SLCO1A2: variants seen among roughly 807,000 people sequenced by gnomAD.
SLCO1A2 encodes solute carrier organic anion transporter family member 1A2.
SLCO1A2 carries 67 observed loss-of-function variants against 69.0 expected under a neutral mutation model. The ratio of observed to expected loss-of-function variants is 0.97; its 90% CI spans 0.80 to 1.19. The LOEUF (loss-of-function observed/expected upper bound fraction) is 1.19, where lower values mean the gene tolerates loss of function less well. SLCO1A2 is among the 50% of genes most tolerant of loss of function. The pLI is 0.00. For missense variants in SLCO1A2, 787 were observed against 793.7 expected (o/e 0.99, Z 0.10); for synonymous variants, 260 against 265.9 (o/e 0.98, Z 0.22).
At chr12:21,385,700 G>A (rs1393970008) in intron 1 of SLCO1A2, among the ~76,000 whole-genome samples, 1 of 152,144 alleles carries the variant, frequency 6.6e-6, no homozygotes, top group Non-Finnish European at 1.5e-5. Flanking sequence ...GGTGTGATAA[G>A]GATTTAAAGC....
At chr12:21,350,559 G>A (rs10841796) in intron 2 of SLCO1A2, among the ~76,000 whole-genome samples, 29,869 of 151,828 alleles carry the variant, frequency 0.2, 3,571 homozygotes, top group East Asian at 0.43. Flanking sequence ...GTTTCAGGCC[G>A]GGCACAGTGG....
intron 2 of SLCO1A2, among the ~76,000 whole-genome samples, chr12:21,322,340 C>G (rs1951735905): frequency 1.3e-5 from 2 of 152,136 alleles, no homozygotes; most frequent in South Asian, 4.1e-4. Context: ...AACACAGCCT[C>G]AGGAGGTCCT....
intron 12 of SLCO1A2, among the ~76,000 whole-genome samples, chr12:21,289,734 G>A (rs1206486533): frequency 6.7e-6 from 1 of 149,312 alleles, no homozygotes; most frequent in Non-Finnish European, 1.5e-5. Context: ...TGCATCGTTT[G>A]TCAGTCAGAA....
chr12:21,305,913 C>T (rs1375810519), intron 5 of SLCO1A2, among the ~76,000 whole-genome samples: 1 of 152,184 alleles, frequency 6.6e-6, no homozygotes, highest in Non-Finnish European at 1.5e-5. Context: ...GTTGAGTCAT[C>T]AGAGTCATCT....
chr12:21,396,022 A>G (rs1038596498), upstream of SLCO1A2, among the ~76,000 whole-genome samples: 5 of 151,618 alleles, frequency 3.3e-5, no homozygotes, highest in Admixed American at 3.3e-4. Context: ...AGCTGGATGG[A>G]GAATGACTTT....
chr12:21,289,596 C>T (rs1452583433), intron 12 of SLCO1A2, among the ~76,000 whole-genome samples: 1 of 151,984 alleles, frequency 6.6e-6, no homozygotes, highest in Non-Finnish European at 1.5e-5. Context: ...AGTGGCACAC[C>T]CCAACTCCAC....
intron 2 of SLCO1A2, among the ~76,000 whole-genome samples, chr12:21,347,425 C>T (rs1953289763): frequency 6.6e-6 from 1 of 152,120 alleles, no homozygotes; most frequent in Non-Finnish European, 1.5e-5. Context: ...GGGGGTGGAT[C>T]ACCTGAGGTC....
At chr12:21,415,552 C>T (rs1474814489) in intron 1 of SLCO1A2, among the ~76,000 whole-genome samples, 1 of 151,968 alleles carries the variant, frequency 6.6e-6, no homozygotes, top group Non-Finnish European at 1.5e-5. Context: ...AACAATTTGG[C>T]TCACATTAAA....
At chr12:21,394,803 G>A (rs1048631701) in intron 1 of SLCO1A2, 1 of 151,930 alleles carries the variant, frequency 6.6e-6, no homozygotes, top group African/African-American at 2.4e-5. Context: ...CTCAACACCT[G>A]GGAGTGGGTG....
Position 21,268,292 on chromosome 12 carries a change from G to GCAGA in SLCO1A2, c.*1252_*1255dup, listed in dbSNP as rs1251328424. On this transcript the variant is annotated 3_prime_UTR_variant, in exon 15 of 15. Transcript: ENST00000683939. ...GCTTCCTCCACTCTGTTGTATCCCT[G>GCAGA]CAGACACTCTCACTCCATTTATAGT... 2.6e-5 allele frequency: 4 copies of GCAGA among 151,996 alleles called. No homozygotes were observed. Among genetic ancestry groups the GCAGA allele is most frequent in the African/African-American group, 9.7e-5 (4 of 41,408 alleles). The allele number at this position is 151,996 out of a possible 1,614,324, so 9.4% of individuals were successfully genotyped here. A position where few individuals can be genotyped will look rare whatever the true frequency, so the allele number is the denominator to read the frequency against.
In SLCO1A2 at chr12:21,269,166, TA is replaced by T. The variant is rs1942369729; in HGVS notation, c.*381del. 6.4e-6 allele frequency: 1 copy of T among 155,960 alleles called. No homozygotes were observed. Among genetic ancestry groups the T allele is most frequent in the Non-Finnish European group, 1.4e-5 (1 of 70,770 alleles). The allele number at this position is 155,960 out of a possible 1,614,324, so 9.7% of individuals were successfully genotyped here. Reference sequence around the variant, plus strand: ...CAGAATGAGAATTTAGGCATCTGAATAATTCCAATATCAAAGAACAAATTTA... The same window carrying T: ...CAGAATGAGAATTTAGGCATCTGAATATTCCAATATCAAAGAACAAATTTA... On this transcript the variant is annotated 3_prime_UTR_variant, in exon 15 of 15. Transcript: ENST00000683939.
At position 21,300,531 on chromosome 12, in the gene SLCO1A2, C is replaced by T. The variant is rs368672331; in HGVS notation, c.727G>A (p.Gly243Ser). The change falls in exon 8 of 15, where the codon GGT (glycine) becomes AGT (serine). Residue 243 changes from glycine to serine, a missense_variant. Gly to Ser is a moderately conservative substitution (Grantham distance 56). Coordinates refer to ENST00000683939, the MANE Select transcript of SLCO1A2 (RefSeq NM_001386879.1). ...ATCAGAAAGCCAAACCACCATGCAC[C>T]GACCCAACGAGTGTCAGTGGGAGTT... The part of the protein sequence containing the change: ...IITPTDTRWV[G>S]AWWFGFLICA... 6.8e-5 allele frequency: 109 copies of T among 1,612,510 alleles called. No homozygotes were observed. The highest frequency in any genetic ancestry group is 3.3e-4 in the Middle Eastern group (2 of 6,076).
At chr12:21,309,720 GA>G (rs1949871009) in intron 4 of SLCO1A2, among the ~76,000 whole-genome samples, 1 of 152,080 alleles carries the variant, frequency 6.6e-6, no homozygotes, top group African/African-American at 2.4e-5. Flanking sequence ...GAGGAAAGAG[GA>G]AAGCAGGAGA....
chr12:21,273,298 G>GATATAAAT (rs66612277), intron 14 of SLCO1A2, among the ~76,000 whole-genome samples: 13,786 of 139,194 alleles, frequency 0.099, 858 homozygotes, highest in Non-Finnish European at 0.13. Flanking sequence ...CTGTCCTTGA[G>GATATAAAT]AGAGACACTA....
chr12:21,362,650 G>A (rs1939011379), intron 2 of SLCO1A2, among the ~76,000 whole-genome samples: 1 of 152,076 alleles, frequency 6.6e-6, no homozygotes, highest in Admixed American at 6.6e-5. Context: ...GTATTCAGGA[G>A]ACCCATCTCA....
chr12:21,378,393 A>G (rs1940365680), intron 1 of SLCO1A2: 2 of 1,614,168 alleles, frequency 1.2e-6, no homozygotes, highest in Non-Finnish European at 1.7e-6. Flanking sequence ...TAGAGGTTTT[A>G]AAGAGAGAGC....
At chr12:21,287,514 T>C (rs2136250880) in intron 12 of SLCO1A2, among the ~76,000 whole-genome samples, 2 of 144,746 alleles carry the variant, frequency 1.4e-5, no homozygotes, top group African/African-American at 5.3e-5. Context: ...TTACTGGGTA[T>C]ATACCCAAAC....
chr12:21,327,795 C>G (rs1227245710), intron 2 of SLCO1A2, among the ~76,000 whole-genome samples: 1 of 151,882 alleles, frequency 6.6e-6, no homozygotes, highest in East Asian at 1.9e-4. Context: ...TAAGTTAGGA[C>G]TTTTGGGTTA....
At chr12:21,375,286 T>C (rs1429531702) in intron 1 of SLCO1A2, among the ~76,000 whole-genome samples, 2 of 152,216 alleles carry the variant, frequency 1.3e-5, no homozygotes, top group African/African-American at 4.8e-5. Flanking sequence ...TGCTTTTTAA[T>C]ATGTTGCCTG....
Sources: gnomAD v4.1 joint callset for allele counts (sites outside exome capture counted in the v4.1 genomes callset) on GRCh38, gnomAD v4.1.1 for gene constraint, MANE v1.5 for transcripts, NCBI Gene and HGNC (gene_info 2026-07-23, HGNC 2026-07-21) for gene names.